Variants in SPMIP4 observed in about 807,000 individuals in gnomAD.
SPMIP4 encodes sperm microtubule inner protein 4.
the SPMIP4 span, among the ~76,000 whole-genome samples, chr7:25,165,826 T>C: frequency 6.6e-6 from 1 of 152,210 alleles, no homozygotes; most frequent in African/African-American, 2.4e-5. Context: ...AAGCATGCTA[T>C]TGTTGCTGCT....
chr7:25,158,121 AC>A, the SPMIP4 span, among the ~76,000 whole-genome samples: 3 of 152,170 alleles, frequency 2.0e-5, no homozygotes, highest in African/African-American at 7.2e-5. Flanking sequence ...GTGATCCAGT[AC>A]TTTGGGAGGC....
the SPMIP4 span, chr7:25,158,602 C>T: frequency 8.0e-7 from 1 of 1,253,752 alleles, no homozygotes; most frequent in Admixed American, 1.9e-5. Flanking sequence ...CTATTAGAAA[C>T]TTGATTAATG....
the SPMIP4 span, chr7:25,161,235 A>G: frequency 6.4e-7 from 1 of 1,563,504 alleles, no homozygotes; most frequent in Non-Finnish European, 8.7e-7. Flanking sequence ...TGGGTCAAAT[A>G]ATAAAATTGT....
chr7:25,148,676 T>G, the SPMIP4 span, among the ~76,000 whole-genome samples: 1 of 152,136 alleles, frequency 6.6e-6, no homozygotes, highest in African/African-American at 2.4e-5. Flanking sequence ...TGTTCCGCCA[T>G]GTTGGTCAGG....
the SPMIP4 span, among the ~76,000 whole-genome samples, chr7:25,131,125 C>T: frequency 6.6e-6 from 1 of 152,180 alleles, no homozygotes. This position sits in a 1 kb window ranked among gnomAD's most constrained non-coding sequence, Gnocchi z 4.2. Flanking sequence ...ATTAGATTCT[C>T]ATAGGAACTT....
the SPMIP4 span, among the ~76,000 whole-genome samples, chr7:25,159,676 A>G: frequency 6.6e-5 from 10 of 152,226 alleles, no homozygotes; most frequent in African/African-American, 2.2e-4. Flanking sequence ...AATGTATTAT[A>G]AACACCTGAC....
At chr7:25,129,327 A>T in the SPMIP4 span, among the ~76,000 whole-genome samples, 3 of 151,772 alleles carry the variant, frequency 2.0e-5, no homozygotes, top group Non-Finnish European at 2.9e-5. Context: ...TGGATGAATG[A>T]CTCCTCTCTA....
chr7:25,162,264 C>T, the SPMIP4 span, among the ~76,000 whole-genome samples: 1 of 84,286 alleles, frequency 1.2e-5, no homozygotes, highest in African/African-American at 3.6e-5. Context: ...GAGTGAAACT[C>T]TGTCTCAAAA....
the SPMIP4 span, chr7:25,155,110 G>A: frequency 6.2e-7 from 1 of 1,613,632 alleles, no homozygotes; most frequent in Non-Finnish European, 8.5e-7. Flanking sequence ...AGGTCCTCAG[G>A]TGACGTGAAG....
At chr7:25,165,561 T>G in the SPMIP4 span, among the ~76,000 whole-genome samples, 1 of 152,170 alleles carries the variant, frequency 6.6e-6, no homozygotes, top group Non-Finnish European at 1.5e-5. Context: ...TAAGTGATTC[T>G]CCTGCCTCAG....
At chr7:25,171,207 C>T in the SPMIP4 span, among the ~76,000 whole-genome samples, 13,576 of 152,188 alleles carry the variant, frequency 0.089, 688 homozygotes, top group East Asian at 0.26. Context: ...GTTGGTAGGG[C>T]TTATCTAATC....
chr7:25,172,211 T>G, the SPMIP4 span, among the ~76,000 whole-genome samples: 1 of 152,176 alleles, frequency 6.6e-6, no homozygotes, highest in Non-Finnish European at 1.5e-5. This position sits in a 1 kb window ranked among gnomAD's most constrained non-coding sequence, Gnocchi z 4.2. Context: ...ACACAGAGAC[T>G]CTGAAAGTAT....
chr7:25,178,441 ATG>A, the SPMIP4 span, among the ~76,000 whole-genome samples: 2 of 152,232 alleles, frequency 1.3e-5, no homozygotes, highest in Non-Finnish European at 2.9e-5. Context: ...TGTATAATTA[ATG>A]TGTTACAGGG....
At chr7:25,126,021 C>T in the SPMIP4 span, 3 of 912,500 alleles carry the variant, frequency 3.3e-6, no homozygotes, top group Non-Finnish European at 2.6e-6. Context: ...CATTTATGTA[C>T]CTTTTAAAAT....
chr7:25,151,727 G>C, the SPMIP4 span: 3 of 1,069,892 alleles, frequency 2.8e-6, no homozygotes, highest in Admixed American at 5.4e-5. Flanking sequence ...CAGTCTTTTA[G>C]AGGATTAATA....
At chr7:25,180,054 T>C in the SPMIP4 span, 1 of 152,290 alleles carries the variant, frequency 6.6e-6, no homozygotes, top group African/African-American at 2.4e-5. Flanking sequence ...CCGAGGAATT[T>C]TGAGGTCGTC....
the SPMIP4 span, among the ~76,000 whole-genome samples, chr7:25,176,068 G>C: frequency 2.6e-5 from 4 of 152,226 alleles, no homozygotes; most frequent in African/African-American, 9.7e-5. The surrounding 1 kb of genome is among the most constrained non-coding windows in gnomAD (Gnocchi z 4.4). Flanking sequence ...TACCTAGATA[G>C]AGCTTCAAAT....
At chr7:25,152,234 C>T in the SPMIP4 span, among the ~76,000 whole-genome samples, 6 of 152,170 alleles carry the variant, frequency 3.9e-5, no homozygotes, top group Non-Finnish European at 5.9e-5. Flanking sequence ...GCCTAAATAT[C>T]AAGTTTTCTG....
At chr7:25,177,253 C>T in the SPMIP4 span, among the ~76,000 whole-genome samples, 10 of 152,056 alleles carry the variant, frequency 6.6e-5, no homozygotes, top group Non-Finnish European at 2.9e-5. Context: ...GAGGCTGAGG[C>T]GGATGGATCA....
Sources: gnomAD v4.1 joint callset for allele counts (sites outside exome capture counted in the v4.1 genomes callset) on GRCh38, gnomAD v4.1.1 for gene constraint, Gnocchi (gnomAD v3.1) non-coding constraint, MANE v1.5 for transcripts, NCBI Gene and HGNC (gene_info 2026-07-23, HGNC 2026-07-21) for gene names.